RANBP17: variants seen among roughly 807,000 people sequenced by gnomAD.
RANBP17 encodes the protein ran-binding protein 17.
Under a neutral mutation model 141.2 loss-of-function variants are expected in RANBP17, and 158 were observed. That is an observed-to-expected ratio of 1.12 (90% CI 0.98 to 1.28). RANBP17 has a LOEUF of 1.28. RANBP17 is among the 50% of genes most tolerant of loss of function. The probability of loss-of-function intolerance (pLI) is 0.00; values close to 1 mark genes in which losing one functional copy is unlikely to be tolerated. For missense variants in RANBP17, 1,438 were observed against 1,290.7 expected (o/e 1.11, Z -1.75); for synonymous variants, 430 against 450.0 (o/e 0.96, Z 0.56).
At chr5:170,976,316 CATT>C (rs769339949) in intron 14 of RANBP17, among the ~76,000 whole-genome samples, 23 of 152,126 alleles carry the variant, frequency 1.5e-4, no homozygotes, top group South Asian at 4.2e-4. Flanking sequence ...AATCATAAAA[CATT>C]GTTGAAACAA....
chr5:171,242,870 CT>C, intron 24 of RANBP17, 50 bp downstream of exon 24: 1 of 1,533,788 alleles, frequency 6.5e-7, no homozygotes, highest in Non-Finnish European at 9.0e-7. Context: ...TGATTATGGG[CT>C]TTTAATGTAT....
At chr5:171,111,182 G>A (rs1232340494) in intron 14 of RANBP17, among the ~76,000 whole-genome samples, 6 of 152,020 alleles carry the variant, frequency 3.9e-5, no homozygotes, top group East Asian at 1.9e-4. Context: ...TTTCAGTGCC[G>A]TTAACTCAAA....
chr5:170,870,190 T>A (rs1767601229), intron 1 of RANBP17, among the ~76,000 whole-genome samples: 1 of 152,206 alleles, frequency 6.6e-6, no homozygotes, highest in African/African-American at 2.4e-5. Context: ...GACCCCTTTT[T>A]ATTTTCATAT....
At chr5:170,937,859 C>T (rs1225708738) in intron 12 of RANBP17, among the ~76,000 whole-genome samples, 2 of 152,162 alleles carry the variant, frequency 1.3e-5, no homozygotes, top group Admixed American at 1.3e-4. Flanking sequence ...AAATATATAG[C>T]ACAGACAATT....
At chr5:171,026,488 A>G (rs1781242897) in intron 14 of RANBP17, among the ~76,000 whole-genome samples, 2 of 152,172 alleles carry the variant, frequency 1.3e-5, no homozygotes, top group South Asian at 2.1e-4. Flanking sequence ...GGCTCCCACT[A>G]TATTTTCCCC....
At chr5:170,950,968 G>A (rs1336345001) in intron 12 of RANBP17, among the ~76,000 whole-genome samples, 1 of 151,996 alleles carries the variant, frequency 6.6e-6, no homozygotes, top group Non-Finnish European at 1.5e-5. Context: ...AGCCTGGCAC[G>A]GAAAGACAAA....
At chr5:171,224,012 C>CT (rs1251186197) in intron 22 of RANBP17, among the ~76,000 whole-genome samples, 11 of 152,186 alleles carry the variant, frequency 7.2e-5, no homozygotes, top group Non-Finnish European at 1.5e-4. Flanking sequence ...GCTAATTGAG[C>CT]TATTCTGGTA....
At chr5:171,271,181 A>T (rs1287666252) in intron 25 of RANBP17, 1 of 169,138 alleles carries the variant, frequency 5.9e-6, no homozygotes, top group African/African-American at 2.6e-5. Context: ...ATCATACTTC[A>T]GTAGGGACTT....
intron 16 of RANBP17, among the ~76,000 whole-genome samples, chr5:171,175,380 G>A (rs1760379553): frequency 1.3e-5 from 2 of 151,954 alleles, no homozygotes; most frequent in African/African-American, 2.4e-5. Flanking sequence ...TGCCACAGTG[G>A]TTGAACTAAC....
chr5:171,165,191 G>GT (rs1051931342), intron 14 of RANBP17, among the ~76,000 whole-genome samples: 11 of 151,154 alleles, frequency 7.3e-5, no homozygotes, highest in Non-Finnish European at 1.3e-4. Flanking sequence ...TTGTTTTTTT[G>GT]TTTTTTTTGA....
At chr5:170,985,805 A>AT (rs1208394553) in intron 14 of RANBP17, among the ~76,000 whole-genome samples, 1 of 152,202 alleles carries the variant, frequency 6.6e-6, no homozygotes, top group Non-Finnish European at 1.5e-5. Context: ...TTCAAATGGT[A>AT]TAACAAAGTG....
intron 3 of RANBP17, among the ~76,000 whole-genome samples, chr5:170,888,665 CTTCT>C (rs1769355991): frequency 6.6e-6 from 1 of 151,976 alleles, no homozygotes; most frequent in South Asian, 2.1e-4. Context: ...ACTTTTAGTT[CTTCT>C]TTCTTAATCT....
At position 171,202,733 on chromosome 5, in the gene RANBP17, G is replaced by A. The variant is rs558743699; in HGVS notation, c.2143-2791G>A. Among the ~76,000 whole-genome samples the A allele has an allele frequency of 2.0e-5, 3 of 152,254 alleles. No individual in the cohort carries two copies. The East Asian group carries it at 5.8e-4, about 29-fold the overall frequency. On this transcript the variant is annotated intron_variant, in intron 19 of 27. Coordinates refer to ENST00000523189, the MANE Select transcript of RANBP17 (RefSeq NM_022897.5). ...ACGGCTCTTTTGTTGGAACTATTTA[G>A]AGGTTATTAAGATGTGTCTTCAGAA... is the stretch of plus-strand genomic sequence containing the variant.
intron 14 of RANBP17, among the ~76,000 whole-genome samples, chr5:171,085,214 T>C (rs1180713270): frequency 7.1e-6 from 1 of 141,156 alleles, no homozygotes; most frequent in Non-Finnish European, 1.5e-5. Flanking sequence ...ATTTATTAAA[T>C]AGGGAATCCT....
intron 14 of RANBP17, among the ~76,000 whole-genome samples, chr5:171,062,143 C>A (rs1201208100): frequency 2.0e-5 from 3 of 151,788 alleles, no homozygotes; most frequent in East Asian, 1.9e-4. Context: ...TTAATTGGAG[C>A]ATTTAGTCCA....
At chr5:171,152,250 TAA>T (rs572435373) in intron 14 of RANBP17, among the ~76,000 whole-genome samples, 3 of 137,842 alleles carry the variant, frequency 2.2e-5, no homozygotes, top group Non-Finnish European at 1.6e-5. Context: ...TCATCTCTAC[TAA>T]AAAAAAAAAA....
intron 18 of RANBP17, among the ~76,000 whole-genome samples, chr5:171,189,326 T>G (rs183298437): frequency 4.7e-4 from 72 of 152,378 alleles, no homozygotes; most frequent in African/African-American, 1.6e-3. Context: ...CATCAAGTTA[T>G]GATTAAAAGC....
At chr5:170,937,900 G>A (rs1026954474) in intron 12 of RANBP17, among the ~76,000 whole-genome samples, 1 of 152,208 alleles carries the variant, frequency 6.6e-6, no homozygotes, top group Non-Finnish European at 1.5e-5. Flanking sequence ...TAAAGAGTTA[G>A]TAATAACTTA....
chr5:171,289,364 C>T (rs1220812441), intron 25 of RANBP17, among the ~76,000 whole-genome samples: 2 of 152,192 alleles, frequency 1.3e-5, no homozygotes, highest in African/African-American at 4.8e-5. Flanking sequence ...GAAAAAAATA[C>T]AGTTCACTCT....
Sources: allele counts gnomAD v4.1 joint callset (sites outside exome capture counted in the v4.1 genomes callset), GRCh38; gene constraint gnomAD v4.1.1; transcripts MANE v1.5; gene names NCBI Gene and HGNC (gene_info 2026-07-23, HGNC 2026-07-21).